The following ITGAE variants were observed in gnomAD, a reference collection of about 807,000 sequenced individuals.
ITGAE encodes the protein integrin subunit alpha E.
A neutral mutation model predicts 136.5 loss-of-function variants in ITGAE; 99 were observed. That is an observed-to-expected ratio of 0.73 (90% CI 0.62 to 0.86). The LOEUF is 0.86. Among genes scored for constraint, ITGAE ranks in the 40% least tolerant of loss-of-function variants. The probability of loss-of-function intolerance (pLI) is 0.00; values close to 1 mark genes in which losing one functional copy is unlikely to be tolerated. For missense variants in ITGAE, 1,447 were observed against 1,515.3 expected, an observed-to-expected ratio of 0.95 and a Z score of 0.75; for synonymous variants, 613 against 591.8, an observed-to-expected ratio of 1.04 and a Z score of -0.52.
chr17:3,727,628 T>C (rs1471857984), intron 26 of ITGAE, among the ~76,000 whole-genome samples: 1 of 152,122 alleles, frequency 6.6e-6, no homozygotes, highest in Non-Finnish European at 1.5e-5. Context: ...CTCGATCTGC[T>C]GACCTTGTGA....
At chr17:3,790,181 G>GTA (rs1233009787) in intron 1 of ITGAE, among the ~76,000 whole-genome samples, 2 of 152,062 alleles carry the variant, frequency 1.3e-5, no homozygotes, top group Non-Finnish European at 2.9e-5. Flanking sequence ...CACATTCTGA[G>GTA]TACCAAGGCT....
intron 20 of ITGAE, among the ~76,000 whole-genome samples, chr17:3,738,569 C>T (rs1348440371): frequency 1.3e-5 from 2 of 152,204 alleles, no homozygotes; most frequent in African/African-American, 4.8e-5. Flanking sequence ...ACGTCTGCAG[C>T]GATGGAGACA....
intron 20 of ITGAE, among the ~76,000 whole-genome samples, chr17:3,737,121 C>T (rs1451113507): frequency 6.6e-6 from 1 of 152,054 alleles, no homozygotes; most frequent in Non-Finnish European, 1.5e-5. Context: ...GGTAAAACCC[C>T]GTCTCTACTA....
chr17:3,794,194 G>A (rs6502746), intron 1 of ITGAE, among the ~76,000 whole-genome samples: 107,530 of 151,654 alleles, frequency 0.71, 38,639 homozygotes, highest in Admixed American at 0.79. Context: ...GGTCAGGCTG[G>A]TCTTGAACTC....
intron 13 of ITGAE, 30 bp downstream of exon 13, chr17:3,753,753 T>TA: frequency 6.2e-7 from 1 of 1,612,766 alleles, no homozygotes; most frequent in Non-Finnish European, 8.5e-7. Context: ...CCATCGGTCA[T>TA]AAGGGGTGGA....
chr17:3,756,214 T>G, intron 10 of ITGAE, among the ~76,000 whole-genome samples: 1 of 134,230 alleles, frequency 7.4e-6, no homozygotes, highest in Non-Finnish European at 1.6e-5. Flanking sequence ...GGCCTGGGGA[T>G]ATTGTTGGCC....
intron 21 of ITGAE, among the ~76,000 whole-genome samples, chr17:3,733,628 C>G (rs2051395829): frequency 6.6e-6 from 1 of 152,134 alleles, no homozygotes; most frequent in South Asian, 2.1e-4. Flanking sequence ...GCCATGTTGG[C>G]CAGGCTGGTC....
At chr17:3,761,360 T>C in intron 5 of ITGAE, 43 bp downstream of exon 5, 3 of 1,558,428 alleles carry the variant, frequency 1.9e-6, no homozygotes, top group Non-Finnish European at 2.6e-6. Flanking sequence ...ACCAAGGAGA[T>C]CTCTTTAGAG....
chr17:3,778,223 T>C (rs185913229), intron 1 of ITGAE, among the ~76,000 whole-genome samples: 48 of 151,862 alleles, frequency 3.2e-4, no homozygotes, highest in Non-Finnish European at 5.7e-4. Flanking sequence ...TACTCAGGAG[T>C]AAAGAGGAGT....
At chr17:3,756,948 G>A in intron 10 of ITGAE, 36 bp downstream of exon 10, 1 of 1,587,718 alleles carries the variant, frequency 6.3e-7, no homozygotes, top group East Asian at 2.2e-5. Flanking sequence ...CATAGGCTCG[G>A]GCCTCCTGCG....
At chr17:3,750,242 C>T (rs2051830046) in intron 16 of ITGAE, 110 bp downstream of exon 16, 3 of 1,461,992 alleles carry the variant, frequency 2.1e-6, no homozygotes, top group Admixed American at 2.1e-5. Flanking sequence ...TGCCCACAAC[C>T]ACGGTGCTGG....
chr17:3,800,572 CA>C (rs2053231385), intron 1 of ITGAE, among the ~76,000 whole-genome samples: 1 of 152,080 alleles, frequency 6.6e-6, no homozygotes, highest in African/African-American at 2.4e-5. Flanking sequence ...TGCCTCCCCC[CA>C]CCCCACATTC....
At chr17:3,772,125 GC>G (rs1399620992) in intron 2 of ITGAE, among the ~76,000 whole-genome samples, 1 of 152,162 alleles carries the variant, frequency 6.6e-6, no homozygotes, top group Non-Finnish European at 1.5e-5. Context: ...TGTTCTCTGT[GC>G]CTGCCATCCC....
chr17:3,762,120 A>G (rs1555523930), intron 3 of ITGAE, 138 bp from the exon 4 acceptor site: 3 of 686,576 alleles, frequency 4.4e-6, no homozygotes, highest in Non-Finnish European at 2.5e-6. Flanking sequence ...GCCTCTAGAA[A>G]GCTAGAGCGG....
chr17:3,720,980 G>A (rs866316563), intron 28 of ITGAE, among the ~76,000 whole-genome samples: 5 of 152,174 alleles, frequency 3.3e-5, no homozygotes, highest in African/African-American at 9.7e-5. Context: ...CCATGCTGGA[G>A]TGCAATGGCA....
intron 28 of ITGAE, among the ~76,000 whole-genome samples, chr17:3,721,417 AT>A (rs2051048724): frequency 6.6e-6 from 1 of 151,320 alleles, no homozygotes; most frequent in Non-Finnish European, 1.5e-5. Context: ...GACTACAGGC[AT>A]GAGCCACCAT....
chr17:3,760,752 C>G (rs747183873), intron 6 of ITGAE, among the ~76,000 whole-genome samples: 8 of 152,038 alleles, frequency 5.3e-5, no homozygotes, highest in Non-Finnish European at 1.0e-4. Flanking sequence ...AAGAGAGAAG[C>G]TTTTGTCTCC....
intron 1 of ITGAE, among the ~76,000 whole-genome samples, chr17:3,782,340 A>AGTGTGTGTGT (rs151134975): frequency 0.03 from 3,303 of 109,562 alleles, 46 homozygotes; most frequent in Non-Finnish European, 0.039. Flanking sequence ...TTAAATCTCT[A>AGTGTGTGTGT]GTGTGTGTGT....
intron 1 of ITGAE, among the ~76,000 whole-genome samples, chr17:3,796,194 G>GTGTGTGTGTGTGTGTGTGTGTGT (rs1555528691): frequency 8.0e-5 from 3 of 37,508 alleles, no homozygotes; most frequent in East Asian, 6.6e-4. Flanking sequence ...TGTGTGTGTG[G>GTGTGTGTGTGTGTGTGTGTGTGT]TGGGGTAGTT....
Sources: allele counts gnomAD v4.1 joint callset (sites outside exome capture counted in the v4.1 genomes callset), GRCh38; gene constraint gnomAD v4.1.1; transcripts MANE v1.5; gene names NCBI Gene and HGNC (gene_info 2026-07-23, HGNC 2026-07-21).